The following SLC17A1 variants were observed in gnomAD, a reference collection of about 807,000 sequenced individuals.
SLC17A1 encodes the protein sodium-dependent phosphate transport protein 1.
SLC17A1 carries 51 observed loss-of-function variants against 53.5 expected under a neutral mutation model. The ratio of observed to expected loss-of-function variants is 0.95; its 90% CI spans 0.76 to 1.20. The LOEUF (loss-of-function observed/expected upper bound fraction) is 1.20. SLC17A1 is among the 50% of genes most tolerant of loss of function. SLC17A1 has a pLI of 0.00. For missense variants in SLC17A1, 538 were observed against 568.2 expected, an observed-to-expected ratio of 0.95 and a Z score of 0.54; for synonymous variants, 179 against 198.8, an observed-to-expected ratio of 0.90 and a Z score of 0.84.
the SLC17A1 span, chr6:25,726,138 G>T: frequency 1.4e-5 from 21 of 1,533,038 alleles, no homozygotes; most frequent in Non-Finnish European, 1.8e-5. Context: ...TAAGTTACTT[G>T]CTTTGGGCTT....
intron 6 of SLC17A1, among the ~76,000 whole-genome samples, chr6:25,813,934 A>C (rs1256808218): frequency 6.6e-6 from 1 of 152,184 alleles, no homozygotes; most frequent in African/African-American, 2.4e-5. Flanking sequence ...TTATGGCTGC[A>C]TAGTATTCAA....
At chr6:25,749,141 C>T in the SLC17A1 span, among the ~76,000 whole-genome samples, 1 of 152,194 alleles carries the variant, frequency 6.6e-6, no homozygotes, top group African/African-American at 2.4e-5. Flanking sequence ...TGGGGAGAAA[C>T]CTTGAACAAT....
the SLC17A1 span, chr6:25,726,332 G>A: frequency 2.5e-6 from 4 of 1,614,018 alleles, no homozygotes; most frequent in East Asian, 2.2e-5. Context: ...TTGCCTGCCA[G>A]CTCAAGGATT....
chr6:25,730,756 A>G, the SLC17A1 span, among the ~76,000 whole-genome samples: 4 of 152,254 alleles, frequency 2.6e-5, no homozygotes, highest in African/African-American at 9.6e-5. Context: ...TTGTCAATTT[A>G]AAAAATGAAA....
the SLC17A1 span, chr6:25,731,724 T>G: frequency 8.3e-7 from 1 of 1,202,222 alleles, no homozygotes; most frequent in Non-Finnish European, 1.2e-6. Flanking sequence ...TTAGAAACTT[T>G]CATTGGCTCT....
intron 3 of SLC17A1, 101 bp from the exon 4 acceptor site, chr6:25,820,016 G>A: frequency 2.8e-6 from 2 of 713,762 alleles, no homozygotes; most frequent in South Asian, 3.7e-5. Context: ...CTCATGGAAA[G>A]TAGCTCCCCT....
downstream of SLC17A1, among the ~76,000 whole-genome samples, chr6:25,781,377 G>A (rs1222559856): frequency 6.6e-6 from 1 of 152,154 alleles, no homozygotes; most frequent in African/African-American, 2.4e-5. Context: ...AAAAAAGTGA[G>A]TAGTTACCAA....
At chr6:25,828,090 C>G (rs1764815850) in intron 2 of SLC17A1, among the ~76,000 whole-genome samples, 1 of 152,128 alleles carries the variant, frequency 6.6e-6, no homozygotes, top group Admixed American at 6.6e-5. Context: ...TTATATGCCC[C>G]TAACACTTTT....
the SLC17A1 span, among the ~76,000 whole-genome samples, chr6:25,757,736 TC>T: frequency 6.6e-6 from 1 of 152,120 alleles, no homozygotes; most frequent in Non-Finnish European, 1.5e-5. Context: ...TAGCTGGAGC[TC>T]TTGTGACCTG....
At chr6:25,784,475 T>TAG (rs1355174153) in intron 12 of SLC17A1, among the ~76,000 whole-genome samples, 3 of 152,030 alleles carry the variant, frequency 2.0e-5, no homozygotes, top group Non-Finnish European at 4.4e-5. Context: ...GCAGGGGCAA[T>TAG]AGAGAGAGAG....
At chr6:25,770,939 G>A in the SLC17A1 span, 4 of 1,613,564 alleles carry the variant, frequency 2.5e-6, no homozygotes, top group Non-Finnish European at 8.5e-7. Flanking sequence ...CAATGCTGGG[G>A]TCCTTCATTG....
the SLC17A1 span, chr6:25,727,040 C>T: frequency 2.0e-4 from 329 of 1,614,254 alleles, no homozygotes; most frequent in African/African-American, 3.7e-3. Flanking sequence ...TTTACATCTA[C>T]AAAGTGCTAA....
the SLC17A1 span, among the ~76,000 whole-genome samples, chr6:25,765,209 T>C: frequency 6.6e-6 from 1 of 152,200 alleles, no homozygotes; most frequent in Non-Finnish European, 1.5e-5. Flanking sequence ...AAAAAAGAAA[T>C]TGACAGGTAC....
the SLC17A1 span, among the ~76,000 whole-genome samples, chr6:25,733,800 GTGTGTA>G: frequency 3.4e-4 from 35 of 103,490 alleles, no homozygotes; most frequent in South Asian, 1.6e-3. Context: ...GTGTGTGTGT[GTGTGTA>G]TGTGTGTGTG....
chr6:25,777,779 A>G, the SLC17A1 span: 1 of 626,204 alleles, frequency 1.6e-6, no homozygotes, highest in Non-Finnish European at 2.9e-6. Flanking sequence ...AATTCCAGTC[A>G]TCTCCAGAGG....
the SLC17A1 span, among the ~76,000 whole-genome samples, chr6:25,754,987 A>AATTAATTAATT: frequency 2.5e-3 from 382 of 151,848 alleles, 2 homozygotes; most frequent in African/African-American, 8.5e-3. Context: ...GAATTAATTC[A>AATTAATTAATT]AGAGAATGAA....
the SLC17A1 span, among the ~76,000 whole-genome samples, chr6:25,735,694 G>A: frequency 1.9e-4 from 29 of 152,270 alleles, no homozygotes; most frequent in Admixed American, 1.8e-3. Flanking sequence ...ATGCTATGGT[G>A]GAAGCATTCT....
the SLC17A1 span, among the ~76,000 whole-genome samples, chr6:25,728,959 A>T: frequency 6.6e-6 from 1 of 152,136 alleles, no homozygotes; most frequent in Non-Finnish European, 1.5e-5. Context: ...AATTGGGGGG[A>T]AGGGGCATCT....
chr6:25,792,288 A>G (rs1326051055), intron 12 of SLC17A1, among the ~76,000 whole-genome samples: 2 of 152,162 alleles, frequency 1.3e-5, no homozygotes, highest in Non-Finnish European at 2.9e-5. Context: ...ACCAATCACA[A>G]CTAAACGTGT....
Sources: allele counts gnomAD v4.1 joint callset (sites outside exome capture counted in the v4.1 genomes callset), GRCh38; gene constraint gnomAD v4.1.1; transcripts MANE v1.5; gene names NCBI Gene and HGNC (gene_info 2026-07-23, HGNC 2026-07-21).